Variants in BAZ1A observed in about 807,000 individuals in gnomAD.
The protein encoded by BAZ1A is bromodomain adjacent to zinc finger domain 1A, also known as bromodomain adjacent to zinc finger domain protein 1A.
In BAZ1A, 50 loss-of-function variants were observed where a neutral mutation model predicts 185.2. That is an observed-to-expected ratio of 0.27 (90% CI 0.22 to 0.34). BAZ1A has a LOEUF of 0.34. BAZ1A is among the 10% of genes least tolerant of loss of function. BAZ1A has a pLI of 1.00. For synonymous variants in BAZ1A, 571 were observed against 615.6 expected (o/e 0.93, Z 1.07); for missense variants, 1,356 against 1,839.9 (o/e 0.74, Z 4.81).
At chr14:34,856,982 T>C (rs1246569201) in intron 3 of BAZ1A, among the ~76,000 whole-genome samples, 1 of 151,404 alleles carries the variant, frequency 6.6e-6, no homozygotes, top group African/African-American at 2.4e-5. Flanking sequence ...ACTGATACAT[T>C]ACTTCCTGAG....
In BAZ1A at chr14:34,801,046, ATTCT is replaced by A. The variant is rs760525590; in HGVS notation, c.961+44_961+47del. On this transcript the variant is annotated intron_variant, in intron 8 of 26. Transcript: ENST00000360310. Reference sequence around the variant, plus strand: ...ATCCCCCACTCAGGCACAGAGAAATATTCTTTCTTATTCCTAATTAGCTTTTGGA... The same window carrying A: ...ATCCCCCACTCAGGCACAGAGAAATATTCTTATTCCTAATTAGCTTTTGGA... 3 of 1,375,748 alleles carry A rather than the reference ATTCT, an allele frequency of 2.2e-6. No individual in the cohort carries two copies. In the East Asian group the frequency reaches 7.4e-5, roughly 34 times the overall value. The allele number at this position is 1,375,748 out of a possible 1,614,324, so 85.2% of individuals were successfully genotyped here. A position where few individuals can be genotyped will look rare whatever the true frequency, so the allele number is the denominator to read the frequency against.
At chr14:34,801,982 T>C (rs1881596037) in intron 7 of BAZ1A, among the ~76,000 whole-genome samples, 1 of 151,992 alleles carries the variant, frequency 6.6e-6, no homozygotes, top group Non-Finnish European at 1.5e-5. Flanking sequence ...GTTAACTCTG[T>C]AGCTCTATAA....
At chr14:34,771,485 A>G (rs747067440) in intron 21 of BAZ1A, 26 bp downstream of exon 21, 13 of 1,588,420 alleles carry the variant, frequency 8.2e-6, no homozygotes, top group Non-Finnish European at 6.0e-6. Flanking sequence ...CACAACTAAT[A>G]TTTTGAAATA....
intron 6 of BAZ1A, among the ~76,000 whole-genome samples, chr14:34,806,080 G>T (rs1319819544): frequency 6.6e-6 from 1 of 151,540 alleles, no homozygotes; most frequent in Admixed American, 6.6e-5. Flanking sequence ...TTTTGAGTTA[G>T]ATTTAACTTT....
intron 4 of BAZ1A, among the ~76,000 whole-genome samples, chr14:34,825,447 C>CAAAAAAAAAAAAAAAAAAAAA (rs35449855): frequency 3.6e-5 from 2 of 55,406 alleles, no homozygotes; most frequent in Non-Finnish European, 6.8e-5. Flanking sequence ...AACTCTGTCT[C>CAAAAAAAAAAAAAAAAAAAAA]AAAAAAAAAA....
chr14:34,770,756 T>C (rs1025911662), intron 21 of BAZ1A, among the ~76,000 whole-genome samples: 2 of 152,148 alleles, frequency 1.3e-5, no homozygotes, highest in East Asian at 3.8e-4. Context: ...ATACAGATAG[T>C]ATATTATTCC....
intron 4 of BAZ1A, among the ~76,000 whole-genome samples, chr14:34,812,979 AG>A (rs957751798): frequency 3.3e-5 from 5 of 152,170 alleles, no homozygotes; most frequent in South Asian, 2.1e-4. Context: ...ATTCTATTAA[AG>A]TTTATTACCA....
intron 17 of BAZ1A, 45 bp from the exon 18 acceptor site, chr14:34,776,560 T>C (rs754566946): frequency 1.3e-6 from 2 of 1,482,328 alleles, no homozygotes; most frequent in African/African-American, 1.4e-5. Flanking sequence ...ATTTCAAGTT[T>C]CCATTAGAAA....
intron 4 of BAZ1A, among the ~76,000 whole-genome samples, chr14:34,822,121 C>A (rs1440002450): frequency 6.6e-6 from 1 of 151,856 alleles, no homozygotes; most frequent in Admixed American, 6.6e-5. Context: ...ATGGCAAAAC[C>A]CTGTCTCTAC....
At chr14:34,858,658 G>A (rs888228766) in intron 3 of BAZ1A, among the ~76,000 whole-genome samples, 1 of 151,890 alleles carries the variant, frequency 6.6e-6, no homozygotes, top group Non-Finnish European at 1.5e-5. Flanking sequence ...AAAAGTTGGG[G>A]CGAGGGTGGG....
In BAZ1A at chr14:34,860,028, C is replaced by T. The variant is rs2042743075; in HGVS notation, c.392+2016G>A. Among the ~76,000 whole-genome samples the T allele has an allele frequency of 2.0e-5, 3 of 152,144 alleles. No homozygotes were observed. The South Asian group carries it at 6.2e-4, about 32-fold the overall frequency. On this transcript the variant is annotated intron_variant, in intron 3 of 26. Transcript: ENST00000360310. ...ATTCTTAGTTTTTAGATAAAAATAA[C>T]TAATAAAGTACTGTTCTCTTGTTCT...
intron 12 of BAZ1A, 173 bp from the exon 13 acceptor site, chr14:34,786,394 A>G: frequency 1.7e-6 from 1 of 580,642 alleles, no homozygotes; most frequent in Non-Finnish European, 3.0e-6. Flanking sequence ...ACCTACAGCT[A>G]TAAATCCTAA....
rs1256020643 is a variant in BAZ1A, at chr14:34,854,115, C to T, written c.392+7929G>A. ...GATAGAGAGAGAAGGATATATGATG[C>T]GGAACTCAGGATCTAAAGTTAAAAT... On this transcript the variant is annotated intron_variant, in intron 3 of 26. Transcript: ENST00000360310. 3.3e-5 allele frequency among the ~76,000 whole-genome samples: 5 copies of T among 152,104 alleles called. 1 individual carries two copies. The highest frequency in any genetic ancestry group is 2.0e-4 in the Admixed American group (3 of 15,250).
intron 4 of BAZ1A, among the ~76,000 whole-genome samples, chr14:34,815,114 C>T (rs183756331): frequency 6.8e-4 from 104 of 152,242 alleles, no homozygotes; most frequent in Admixed American, 1.4e-3. Flanking sequence ...GTAAAATGTG[C>T]GAGTTTATAT....
intron 23 of BAZ1A, 37 bp downstream of exon 23, chr14:34,764,670 G>C (rs1426029381): frequency 3.2e-6 from 5 of 1,560,204 alleles, no homozygotes; most frequent in African/African-American, 1.4e-5. Flanking sequence ...GTCTAACTAA[G>C]ACTTACTGAC....
At chr14:34,772,793 G>A (rs1879310783) in intron 20 of BAZ1A, among the ~76,000 whole-genome samples, 1 of 152,136 alleles carries the variant, frequency 6.6e-6, no homozygotes, top group African/African-American at 2.4e-5. Flanking sequence ...CACTTTGGGA[G>A]GCCGAGGCAG....
intron 11 of BAZ1A, among the ~76,000 whole-genome samples, chr14:34,793,274 C>G (rs1880967751): frequency 6.6e-6 from 1 of 152,070 alleles, no homozygotes; most frequent in African/African-American, 2.4e-5. Context: ...TGCCACTGTT[C>G]CTGAGGGCTA....
intron 12 of BAZ1A, chr14:34,786,447 G>C (rs1416335903): frequency 2.3e-6 from 1 of 430,726 alleles, no homozygotes; most frequent in Non-Finnish European, 4.1e-6. Flanking sequence ...TAACAGAAAA[G>C]ACAATTTCCA....
rs2043001770 is a variant in BAZ1A at position 34,874,202 on chromosome 14, AAGAGGGCG to A, written c.113+282_113+289del. 2.9e-5 allele frequency: 9 copies of A among 307,014 alleles called. No homozygotes were observed. The South Asian group carries it at 3.5e-4, about 12-fold the overall frequency. 19.0% of individuals were successfully genotyped at this position (307,014 alleles called of 1,614,324 possible). On this transcript the variant is annotated intron_variant, in intron 2 of 26. Coordinates refer to ENST00000360310, the MANE Select transcript of BAZ1A (RefSeq NM_013448.3). The surrounding 1 kb of genome is among the most constrained non-coding windows in gnomAD (Gnocchi z 4.7). ...GGGGAGTTTCCGCCGCCCCGCGGCC[AAGAGGGCG>A]GGAGGGCGACAGCAGCGGCTAGGAG...
Sources: gnomAD v4.1 joint callset for allele counts (sites outside exome capture counted in the v4.1 genomes callset) on GRCh38, gnomAD v4.1.1 for gene constraint, Gnocchi (gnomAD v3.1) non-coding constraint, MANE v1.5 for transcripts, NCBI Gene and HGNC (gene_info 2026-07-23, HGNC 2026-07-21) for gene names.